The following ODF2 variants were observed in gnomAD, a reference collection of about 807,000 sequenced individuals.
ODF2 encodes the protein outer dense fiber protein 2.
A neutral mutation model predicts 110.2 loss-of-function variants in ODF2; 47 were observed. The observed-to-expected ratio is 0.43, with a 90% confidence interval of 0.34 to 0.54. ODF2 has a LOEUF of 0.54. ODF2 is among the 20% of genes least tolerant of loss of function. The pLI, the probability that ODF2 is intolerant of heterozygous loss-of-function variation, is 0.03. For synonymous variants in ODF2, 352 were observed against 397.7 expected, an observed-to-expected ratio of 0.89 and a Z score of 1.37; for missense variants, 812 against 1,054.5, an observed-to-expected ratio of 0.77 and a Z score of 3.19.
intron 14 of ODF2, among the ~76,000 whole-genome samples, chr9:128,492,058 G>C (rs1302064020): frequency 6.6e-6 from 1 of 151,868 alleles, no homozygotes; most frequent in Non-Finnish European, 1.5e-5. Flanking sequence ...GTAGAGACAG[G>C]ATTTCACTGT....
chr9:128,491,348 C>T (rs1844502057), intron 14 of ODF2, among the ~76,000 whole-genome samples: 1 of 150,720 alleles, frequency 6.6e-6, no homozygotes, highest in African/African-American at 2.4e-5. Context: ...CGGCCCACAA[C>T]ATATTGTTAA....
At chr9:128,497,505 G>A (rs1845866557) in intron 18 of ODF2, 2 of 130,760 alleles carry the variant, frequency 1.5e-5, no homozygotes, top group African/African-American at 2.8e-5. Context: ...TTAGCCGGGC[G>A]CAGTGGCGGG....
At chr9:128,464,439 C>A (rs1837325159) in intron 4 of ODF2, among the ~76,000 whole-genome samples, 1 of 152,228 alleles carries the variant, frequency 6.6e-6, no homozygotes, top group East Asian at 1.9e-4. Flanking sequence ...CAGGCGTGAG[C>A]CACTGTGCCC....
chr9:128,467,192 G>A (rs1267355977), intron 4 of ODF2, among the ~76,000 whole-genome samples: 5 of 150,504 alleles, frequency 3.3e-5, no homozygotes, highest in African/African-American at 1.2e-4. Flanking sequence ...GGGCTGTATG[G>A]TATAGCCTAT....
intron 16 of ODF2, 32 bp downstream of exon 16, chr9:128,492,837 A>G (rs1751901859): frequency 6.4e-7 from 1 of 1,560,506 alleles, no homozygotes; most frequent in Non-Finnish European, 8.8e-7. Context: ...TTCTTCTCCT[A>G]CCCAATTCCA....
chr9:128,473,723 G>A (rs1394852755), exon 8 of ODF2: 1 of 1,613,274 alleles, frequency 6.2e-7, no homozygotes, highest in African/African-American at 1.3e-5. Flanking sequence ...ACCTCCTGAG[G>A]GAACAGCACT....
chr9:128,476,965 C>T (rs528573678), intron 8 of ODF2, among the ~76,000 whole-genome samples: 8 of 149,150 alleles, frequency 5.4e-5, no homozygotes, highest in East Asian at 2.2e-4. Flanking sequence ...ATATATTGGC[C>T]GGGTGCAGTG....
Position 128,485,488 on chromosome 9 carries a change from T to A in ODF2, c.1400+14T>A, listed in dbSNP as rs1843184194. The stretch of plus-strand genomic sequence containing the variant: ...TGTCCTGAATGAGTACGTCTTAGAG[T>A]AGGAGAGGGAATGTGGCGCTGTTGA... On this transcript the variant is annotated intron_variant, in intron 13 of 20. Coordinates refer to ENST00000604420, the Ensembl canonical transcript of ODF2. This position sits in a 1 kb window ranked among gnomAD's most constrained non-coding sequence, Gnocchi z 5.0. 2.8e-6 allele frequency: 4 copies of A among 1,419,278 alleles called. No individual in the cohort carries two copies. The highest frequency in any genetic ancestry group is 4.0e-6 in the Non-Finnish European group (4 of 1,005,402). 87.9% of individuals were successfully genotyped at this position (1,419,278 alleles called of 1,614,324 possible).
In ODF2 at chr9:128,494,485, T is replaced by C. The variant is rs544859570; in HGVS notation, c.1753-25T>C. 6.2e-7 allele frequency: 1 copy of C among 1,611,734 alleles called. No homozygotes were observed. The highest frequency in any genetic ancestry group is 1.1e-5 in the South Asian group (1 of 91,002). On this transcript the variant is annotated intron_variant, in intron 16 of 20. Transcript: ENST00000604420. The surrounding 1 kb of genome is among the most constrained non-coding windows in gnomAD (Gnocchi z 4.6). ...TTCCTAACTGTGGGTCTTTCCTTCC[T>C]GTGGGTCTTTCCTTCCTGTTTCAGG...
chr9:128,491,869 T>TC (rs1371117809), intron 14 of ODF2, among the ~76,000 whole-genome samples: 247 of 148,486 alleles, frequency 1.7e-3, no homozygotes, highest in African/African-American at 6.0e-3. Context: ...CCATTTTCTT[T>TC]TTTTTTTTTT....
chr9:128,457,944 T>TATA (rs34377791), intron 2 of ODF2, among the ~76,000 whole-genome samples: 7,148 of 39,172 alleles, frequency 0.18, 226 homozygotes, highest in Admixed American at 0.26. Context: ...TATATATATA[T>TATA]TTTTTTTTTT....
chr9:128,469,093 C>A, intron 4 of ODF2, 90 bp from the exon 5 acceptor site: 1 of 1,294,818 alleles, frequency 7.7e-7, no homozygotes, highest in Non-Finnish European at 1.1e-6. Flanking sequence ...CAGCTTTTCC[C>A]GTCTAATCAG....
In ODF2 at chr9:128,457,944, T is replaced by TATATA. The variant is rs34377791; in HGVS notation, c.32+507_32+508insATATA. On this transcript the variant is annotated intron_variant, in intron 2 of 20. Transcript: ENST00000604420. Reference sequence around the variant, plus strand: ...GTAGAGGTCTATATATATATATATATTTTTTTTTTTTCCCCTCTTTTTAAA... The same window carrying TATATA: ...GTAGAGGTCTATATATATATATATATATATATTTTTTTTTTTCCCCTCTTTTTAAA... Among the ~76,000 whole-genome samples the TATATA allele has an allele frequency of 7.1e-3, 277 of 39,290 alleles. 1 individual carries two copies. The highest frequency in any genetic ancestry group is 8.6e-3 in the Non-Finnish European group (139 of 16,146). The allele number at this position is 39,290 out of a possible 152,430, so 25.8% of individuals were successfully genotyped here.
At chr9:128,459,756 C>T (rs567172783) in intron 3 of ODF2, 99 bp downstream of exon 2, 19 of 814,206 alleles carry the variant, frequency 2.3e-5, no homozygotes, top group Middle Eastern at 4.6e-4. Flanking sequence ...TGGGCACCAT[C>T]GCCGCCCAGT....
chr9:128,496,279 A>G, intron 18 of ODF2, 138 bp downstream of exon 18: 1 of 1,514,802 alleles, frequency 6.6e-7, no homozygotes, highest in South Asian at 1.2e-5. Context: ...TCAGAGGAAA[A>G]GCTGCTTCCA....
At chr9:128,495,851 GC>G (rs901969988) in intron 17 of ODF2, among the ~76,000 whole-genome samples, 189 bp from the exon 18 acceptor site, 1 of 152,120 alleles carries the variant, frequency 6.6e-6, no homozygotes, top group African/African-American at 2.4e-5. Flanking sequence ...TGTGGGGAGA[GC>G]CTTTTGTCTT....
intron 4 of ODF2, among the ~76,000 whole-genome samples, chr9:128,464,034 G>A (rs1403037384): frequency 5.9e-5 from 9 of 151,576 alleles, no homozygotes; most frequent in African/African-American, 1.2e-4. Flanking sequence ...TAGTAGAGAC[G>A]GGGTTTTGCT....
At chr9:128,469,410 A>G in intron 5 of ODF2, 57 bp downstream of exon 5, 1 of 1,573,702 alleles carries the variant, frequency 6.4e-7, no homozygotes, top group Non-Finnish European at 8.7e-7. Flanking sequence ...AGGAGCACCC[A>G]GGTGGATTTC....
intron 6 of ODF2, 115 bp downstream of exon 6, chr9:128,471,583 C>A: frequency 1.2e-6 from 1 of 869,086 alleles, no homozygotes; most frequent in Non-Finnish European, 1.8e-6. Context: ...TGTGCCTGTG[C>A]CCTGGAGCCT....
Sources: gnomAD v4.1 joint callset for allele counts (sites outside exome capture counted in the v4.1 genomes callset) on GRCh38, gnomAD v4.1.1 for gene constraint, Gnocchi (gnomAD v3.1) non-coding constraint, MANE v1.5 for transcripts, NCBI Gene and HGNC (gene_info 2026-07-23, HGNC 2026-07-21) for gene names.